The following CDH17 variants were observed in gnomAD, a reference collection of about 807,000 sequenced individuals.
The protein encoded by CDH17 is cadherin 17.
CDH17 carries 67 observed loss-of-function variants against 86.3 expected under a neutral mutation model. The observed-to-expected ratio is 0.78, with a 90% CI of 0.64 to 0.95. The LOEUF (loss-of-function observed/expected upper bound fraction) is 0.95, where lower values mean the gene tolerates loss of function less well. CDH17 is among the 40% of genes least tolerant of loss of function. The pLI, the probability that CDH17 is intolerant of heterozygous loss-of-function variation, is 0.00. For synonymous variants in CDH17, 367 were observed against 366.4 expected (o/e 1.00, Z -0.02); for missense variants, 993 against 1,017.6 (o/e 0.98, Z 0.33).
intron 1 of CDH17, chr8:94,202,863 T>C: frequency 4.5e-6 from 1 of 222,920 alleles, no homozygotes. Flanking sequence ...CTCTCGTACA[T>C]GGCCTTTCTG....
In CDH17 at chr8:94,184,687, T is replaced by G. The variant is rs1180909803; in HGVS notation, c.150+4500A>C. 4.6e-5 allele frequency among the ~76,000 whole-genome samples: 7 copies of G among 152,208 alleles called. No individual in the cohort carries two copies. In the East Asian group the frequency reaches 1.4e-3, roughly 29 times the overall value. On this transcript the variant is annotated intron_variant, in intron 3 of 17. Coordinates refer to ENST00000027335, the MANE Select transcript of CDH17 (RefSeq NM_004063.4). ...GCACGTCTTTTTAGATACTAAAAAC[T>G]ACTGAATTTTAGAGGCATGAATTTT...
intron 1 of CDH17, among the ~76,000 whole-genome samples, chr8:94,197,953 A>G (rs756654340): frequency 6.6e-6 from 1 of 152,182 alleles, no homozygotes; most frequent in Non-Finnish European, 1.5e-5. Context: ...AAAGTCAAGC[A>G]ATTTGCCTAA....
Position 94,158,896 on chromosome 8 carries a change from A to T in CDH17, c.1551+1075T>A, listed in dbSNP as rs374760611. ...TGTGAAATTATTCTATTTTGTCTTCATTTTTAGCCTCTTTCAGTTTTCTTT... is the reference window on the plus strand; with the variant it reads ...TGTGAAATTATTCTATTTTGTCTTCTTTTTTAGCCTCTTTCAGTTTTCTTT... On this transcript the variant is annotated intron_variant, in intron 12 of 17. Coordinates refer to ENST00000027335, the MANE Select transcript of CDH17 (RefSeq NM_004063.4). Among the ~76,000 whole-genome samples the T allele has an allele frequency of 6.6e-4, 101 of 152,208 alleles. 2 individuals carry two copies. The South Asian group carries it at 0.019, about 28-fold the overall frequency.
chr8:94,173,649 G>A (rs912521691), intron 7 of CDH17, 148 bp downstream of exon 7: 11 of 670,470 alleles, frequency 1.6e-5, no homozygotes, highest in Admixed American at 4.8e-5. Context: ...CCAGTGACTC[G>A]GGGCCAGAGG....
chr8:94,168,551 C>G (rs1008454181), intron 9 of CDH17, among the ~76,000 whole-genome samples: 15 of 151,974 alleles, frequency 9.9e-5, no homozygotes, highest in African/African-American at 3.6e-4. Context: ...TGTCTTGTAC[C>G]CTTTTAAGCT....
intron 15 of CDH17, among the ~76,000 whole-genome samples, chr8:94,140,305 G>T (rs891457058): frequency 1.3e-5 from 2 of 151,778 alleles, no homozygotes; most frequent in African/African-American, 2.4e-5. Flanking sequence ...TAGCTCATAC[G>T]TGTAGTCCCA....
In CDH17 at chr8:94,153,323, C is replaced by G. The variant is rs188932367; in HGVS notation, c.1552-1211G>C. 3.3e-4 allele frequency among the ~76,000 whole-genome samples: 50 copies of G among 152,214 alleles called. 2 individuals carry two copies. Among genetic ancestry groups the G allele is most frequent in the African/African-American group, 1.2e-3 (48 of 41,522 alleles). On this transcript the variant is annotated intron_variant, in intron 12 of 17. Coordinates refer to ENST00000027335, the MANE Select transcript of CDH17 (RefSeq NM_004063.4). ...AATTAAAACCCCAATGAGATATTACCTCACACCTGTTAGAATGACTTATCA... is the reference window on the plus strand; with the variant it reads ...AATTAAAACCCCAATGAGATATTACGTCACACCTGTTAGAATGACTTATCA...
At chr8:94,164,579 A>G (rs745641688) in intron 10 of CDH17, among the ~76,000 whole-genome samples, 1 of 152,224 alleles carries the variant, frequency 6.6e-6, no homozygotes, top group Non-Finnish European at 1.5e-5. Flanking sequence ...GGTTTCAAAC[A>G]TTCCGCATTA....
At chr8:94,182,017 A>G (rs999873458) in intron 3 of CDH17, among the ~76,000 whole-genome samples, 2 of 152,130 alleles carry the variant, frequency 1.3e-5, no homozygotes, top group Non-Finnish European at 2.9e-5. Context: ...TTTTCCCACA[A>G]ATTAGACAAC....
At chr8:94,156,285 T>A (rs776438462) in intron 12 of CDH17, among the ~76,000 whole-genome samples, 2 of 152,204 alleles carry the variant, frequency 1.3e-5, no homozygotes, top group African/African-American at 2.4e-5. Context: ...TATCAAAGTG[T>A]GCACATTAGT....
intron 13 of CDH17, among the ~76,000 whole-genome samples, chr8:94,149,470 T>C (rs1211181428): frequency 1.3e-5 from 2 of 152,130 alleles, no homozygotes; most frequent in Admixed American, 6.6e-5. Flanking sequence ...TCCAATAAAA[T>C]GTGGTAAACA....
intron 4 of CDH17, 86 bp from the exon 5 acceptor site, chr8:94,176,765 A>C: frequency 2.7e-5 from 37 of 1,375,352 alleles, no homozygotes; most frequent in Non-Finnish European, 3.0e-5. Flanking sequence ...ATTAGAACTC[A>C]AAGAACCAAT....
chr8:94,184,360 A>G (rs1419427947), intron 3 of CDH17, among the ~76,000 whole-genome samples: 1 of 152,226 alleles, frequency 6.6e-6, no homozygotes, highest in African/African-American at 2.4e-5. Flanking sequence ...CCAAAATGTG[A>G]TATATCCAGA....
chr8:94,156,183 G>T (rs1244018186), intron 12 of CDH17, among the ~76,000 whole-genome samples: 5 of 152,196 alleles, frequency 3.3e-5, no homozygotes, highest in African/African-American at 9.6e-5. Flanking sequence ...GTCAAACCTA[G>T]AGATTTAGAT....
intron 14 of CDH17, among the ~76,000 whole-genome samples, chr8:94,147,889 C>T (rs143488650): frequency 1.1e-3 from 168 of 152,306 alleles, no homozygotes; most frequent in African/African-American, 3.8e-3. Flanking sequence ...CACAGATACC[C>T]CTTGTTCACC....
chr8:94,208,420 C>T (rs1169943246), intron 1 of CDH17, 63 bp downstream of exon 1: 1 of 152,236 alleles, frequency 6.6e-6, no homozygotes, highest in African/African-American at 2.4e-5. Context: ...CCTCCCCCTC[C>T]ATCTACTTTG....
chr8:94,148,664 A>G, intron 14 of CDH17, 80 bp downstream of exon 14: 305 of 738,438 alleles, frequency 4.1e-4, no homozygotes, highest in Non-Finnish European at 5.1e-4. Flanking sequence ...CAGTTTTCTT[A>G]TCCTCCCTCC....
At chr8:94,209,328 A>G (rs1271268094), upstream of CDH17, among the ~76,000 whole-genome samples, 1 of 152,232 alleles carries the variant, frequency 6.6e-6, no homozygotes, top group African/African-American at 2.4e-5. Context: ...TCCACACTGA[A>G]GGTGAGCATC....
Position 94,194,699 on chromosome 8 carries a change from C to A in CDH17, c.-14G>T. The A allele has an allele frequency of 6.3e-7, 1 of 1,581,622 alleles. No individual in the cohort carries two copies. Among genetic ancestry groups the A allele is most frequent in the Non-Finnish European group, 8.6e-7 (1 of 1,156,778 alleles). On this transcript the variant is annotated 5_prime_UTR_variant, in exon 2 of 18. Coordinates refer to ENST00000027335, the MANE Select transcript of CDH17 (RefSeq NM_004063.4). ...CTGAAGTATCATAGTTTTCTTTATTCAAATTCCTGTGAAGGAACCAGATAA... is the reference window on the plus strand; with the variant it reads ...CTGAAGTATCATAGTTTTCTTTATTAAAATTCCTGTGAAGGAACCAGATAA...
Sources: gnomAD v4.1 joint callset for allele counts (sites outside exome capture counted in the v4.1 genomes callset) on GRCh38, gnomAD v4.1.1 for gene constraint, MANE v1.5 for transcripts, NCBI Gene and HGNC (gene_info 2026-07-23, HGNC 2026-07-21) for gene names.